The following ADAM19 variants were observed in gnomAD, a reference collection of about 807,000 sequenced individuals.
ADAM19 encodes disintegrin and metalloproteinase domain-containing protein 19.
A neutral mutation model predicts 114.7 loss-of-function variants in ADAM19; 65 were observed. The observed-to-expected ratio is 0.57, with a 90% CI of 0.46 to 0.70. ADAM19 has a LOEUF of 0.70. ADAM19 is among the 30% of genes least tolerant of loss of function. The probability of loss-of-function intolerance (pLI) is 0.00; values close to 1 mark genes in which losing one functional copy is unlikely to be tolerated. For missense variants in ADAM19, 1,063 were observed against 1,204.7 expected, an observed-to-expected ratio of 0.88 and a Z score of 1.74; for synonymous variants, 466 against 460.5, an observed-to-expected ratio of 1.01 and a Z score of -0.15.
At position 157,480,442 on chromosome 5, in the gene ADAM19, G is replaced by A. The variant is rs1007970090; in HGVS notation, c.*507C>T. The A allele has an allele frequency of 2.0e-6, 2 of 990,200 alleles. No homozygotes were observed. The highest frequency in any genetic ancestry group is 3.5e-5 in the African/African-American group (2 of 57,286). 61.3% of individuals were successfully genotyped at this position (990,200 alleles called of 1,614,324 possible). On this transcript the variant is annotated 3_prime_UTR_variant, in exon 23 of 23. Transcript: ENST00000257527. ...CCAAGCCCTGGGCAGGGCCACAGCA[G>A]TGGCTGGCTTGACCCTTCCTTAATC...
chr5:157,550,084 G>A (rs1191116768), intron 3 of ADAM19, among the ~76,000 whole-genome samples: 5 of 152,206 alleles, frequency 3.3e-5, no homozygotes, highest in Non-Finnish European at 4.4e-5. Context: ...TAGGACTGAC[G>A]TGGGGTGGGG....
Position 157,478,405 on chromosome 5 carries a change from G to T in ADAM19, c.*2544C>A. 9.2e-6 allele frequency: 2 copies of T among 217,846 alleles called. No individual in the cohort carries two copies. The highest frequency in any genetic ancestry group is 1.6e-5 in the Non-Finnish European group (2 of 128,590). The allele number at this position is 217,846 out of a possible 1,614,324, so 13.5% of individuals were successfully genotyped here. ...AAAAGTCCTTTTCTGCCTGGGCTTT[G>T]AGACGCTTGCAGATCTTGCCATCGG... On this transcript the variant is annotated 3_prime_UTR_variant, in exon 23 of 23. Transcript: ENST00000257527.
intron 9 of ADAM19, among the ~76,000 whole-genome samples, 154 bp from the exon 10 acceptor site, chr5:157,507,294 G>C (rs1755775393): frequency 6.6e-6 from 1 of 152,174 alleles, no homozygotes; most frequent in Non-Finnish European, 1.5e-5. Context: ...AGGCCAACTG[G>C]ACAACTTCCA....
chr5:157,481,725 T>C, intron 22 of ADAM19, 66 bp downstream of exon 22: 1 of 1,552,030 alleles, frequency 6.4e-7, no homozygotes, highest in Middle Eastern at 1.7e-4. Flanking sequence ...TTTTCTCAAC[T>C]CTACACCTGC....
At chr5:157,550,707 G>C (rs1339685777) in intron 3 of ADAM19, among the ~76,000 whole-genome samples, 1 of 147,850 alleles carries the variant, frequency 6.8e-6, no homozygotes, top group Non-Finnish European at 1.5e-5. Flanking sequence ...AAAAAGACAA[G>C]AGAGCTTGGG....
At chr5:157,571,166 T>C (rs1757812453) in intron 1 of ADAM19, among the ~76,000 whole-genome samples, 186 bp from the exon 2 acceptor site, 4 of 152,198 alleles carry the variant, frequency 2.6e-5, no homozygotes, top group Admixed American at 2.0e-4. Context: ...ATAGGACATA[T>C]AAGGTCTCTG....
At chr5:157,540,466 G>A (rs78499406) in intron 3 of ADAM19, among the ~76,000 whole-genome samples, 2 of 152,144 alleles carry the variant, frequency 1.3e-5, no homozygotes, top group African/African-American at 2.4e-5. Context: ...AGCAAGGGGG[G>A]AGAAATCATT....
intron 14 of ADAM19, 106 bp downstream of exon 14, chr5:157,496,775 AAGAGGTAGTATCT>A: frequency 1.2e-6 from 1 of 827,822 alleles, no homozygotes; most frequent in Non-Finnish European, 1.8e-6. Context: ...AAGGGGATGA[AAGAGGTAGTATCT>A]AGAGGTGCCA....
chr5:157,509,055 G>A (rs75821300), intron 9 of ADAM19, among the ~76,000 whole-genome samples: 2,146 of 152,390 alleles, frequency 0.014, 89 homozygotes, highest in Admixed American at 0.073. Flanking sequence ...TGGAATATGT[G>A]TAAGTCTAAT....
chr5:157,543,567 G>C (rs1028712794), intron 3 of ADAM19, among the ~76,000 whole-genome samples: 1 of 152,144 alleles, frequency 6.6e-6, no homozygotes, highest in Non-Finnish European at 1.5e-5. Flanking sequence ...AAAGTAGAAA[G>C]TATTTGTGCT....
chr5:157,552,976 G>T (rs1485437605), intron 3 of ADAM19, among the ~76,000 whole-genome samples: 1 of 152,118 alleles, frequency 6.6e-6, no homozygotes, highest in Non-Finnish European at 1.5e-5. Context: ...TTATTTGTAG[G>T]ATCTAAAAAT....
intron 3 of ADAM19, among the ~76,000 whole-genome samples, chr5:157,553,326 C>T (rs1260340792): frequency 6.6e-6 from 1 of 151,742 alleles, no homozygotes; most frequent in Non-Finnish European, 1.5e-5. Flanking sequence ...TATGTACTCA[C>T]AAAAATTAAA....
chr5:157,570,308 A>G (rs1220043514), intron 2 of ADAM19: 1 of 152,268 alleles, frequency 6.6e-6, no homozygotes, highest in African/African-American at 2.4e-5. Context: ...AAAAACAAAA[A>G]CCAGAACCAC....
At chr5:157,534,168 C>T (rs980413649) in intron 4 of ADAM19, among the ~76,000 whole-genome samples, 3 of 152,010 alleles carry the variant, frequency 2.0e-5, no homozygotes, top group African/African-American at 7.2e-5. Flanking sequence ...CTACAACTTA[C>T]TATTATTAAC....
At chr5:157,535,816 T>C (rs1336102121) in intron 4 of ADAM19, among the ~76,000 whole-genome samples, 1 of 152,206 alleles carries the variant, frequency 6.6e-6, no homozygotes, top group African/African-American at 2.4e-5. Flanking sequence ...GGCAAATTCG[T>C]GGACTGAGAC....
At chr5:157,553,301 T>C (rs1286038360) in intron 3 of ADAM19, among the ~76,000 whole-genome samples, 1 of 152,214 alleles carries the variant, frequency 6.6e-6, no homozygotes, top group African/African-American at 2.4e-5. Context: ...CCCGTAAATA[T>C]ATACACTTAC....
chr5:157,575,081 C>T (rs531646684), intron 1 of ADAM19, among the ~76,000 whole-genome samples: 1 of 152,346 alleles, frequency 6.6e-6, no homozygotes, highest in African/African-American at 2.4e-5. Flanking sequence ...CGAGCCATCC[C>T]CTAGCCAAGG....
chr5:157,518,924 G>A, intron 6 of ADAM19, 36 bp from the exon 7 acceptor site: 1 of 1,579,658 alleles, frequency 6.3e-7, no homozygotes, highest in Non-Finnish European at 8.7e-7. Flanking sequence ...TGTAGAAATA[G>A]TGGACTTGGC....
intron 21 of ADAM19, among the ~76,000 whole-genome samples, chr5:157,485,280 C>T (rs1754897282): frequency 6.6e-6 from 1 of 152,222 alleles, no homozygotes; most frequent in African/African-American, 2.4e-5. Context: ...GAGTGACTTT[C>T]ATTTTTTAAA....
Sources: allele counts gnomAD v4.1 joint callset (sites outside exome capture counted in the v4.1 genomes callset), GRCh38; gene constraint gnomAD v4.1.1; transcripts MANE v1.5; gene names NCBI Gene and HGNC (gene_info 2026-07-23, HGNC 2026-07-21).